Variants in CAMK2D observed in about 807,000 individuals in gnomAD.
The protein encoded by CAMK2D is calcium/calmodulin-dependent protein kinase type II subunit delta.
In CAMK2D, 37 loss-of-function variants were observed where a neutral mutation model predicts 84.0. That is an observed-to-expected ratio of 0.44 (90% CI 0.34 to 0.58). The LOEUF is 0.58. Among genes scored for constraint, CAMK2D ranks in the 20% least tolerant of loss-of-function variants. The probability of loss-of-function intolerance (pLI) is 0.02; values close to 1 mark genes in which losing one functional copy is unlikely to be tolerated. For synonymous variants in CAMK2D, 202 were observed against 212.5 expected, an observed-to-expected ratio of 0.95 and a Z score of 0.43; for missense variants, 448 against 652.5, an observed-to-expected ratio of 0.69 and a Z score of 3.41.
intron 3 of CAMK2D, among the ~76,000 whole-genome samples, chr4:113,659,765 G>A (rs2099220508): frequency 6.6e-6 from 1 of 152,174 alleles, no homozygotes; most frequent in Non-Finnish European, 1.5e-5. Context: ...AACAAGAAAT[G>A]CCATAAATTT....
chr4:113,528,163 G>GT (rs1234121099), intron 8 of CAMK2D, among the ~76,000 whole-genome samples: 1 of 152,064 alleles, frequency 6.6e-6, no homozygotes, highest in African/African-American at 2.4e-5. Flanking sequence ...AATACACTTT[G>GT]TTTTTTAAGC....
intron 16 of CAMK2D, among the ~76,000 whole-genome samples, chr4:113,482,787 G>A (rs2097717284): frequency 6.6e-6 from 1 of 152,160 alleles, no homozygotes; most frequent in Non-Finnish European, 1.5e-5. Context: ...TTTGCATATT[G>A]CAAAGAATTT....
chr4:113,716,649 CAAA>C (rs397750449), intron 2 of CAMK2D, among the ~76,000 whole-genome samples: 2 of 76,176 alleles, frequency 2.6e-5, no homozygotes, highest in African/African-American at 4.9e-5. Flanking sequence ...AGACTCCATC[CAAA>C]AAAAAAAAAA....
chr4:113,578,721 T>C (rs559027225), intron 4 of CAMK2D, among the ~76,000 whole-genome samples: 5 of 152,166 alleles, frequency 3.3e-5, no homozygotes, highest in Admixed American at 6.5e-5. Context: ...GCCAAAGCTC[T>C]TTCTTCTCAT....
At chr4:113,516,355 A>G (rs1166877675) in intron 9 of CAMK2D, among the ~76,000 whole-genome samples, 1 of 152,170 alleles carries the variant, frequency 6.6e-6, no homozygotes, top group African/African-American at 2.4e-5. Flanking sequence ...CTGATAGCAA[A>G]TGAGCGGTAG....
At chr4:113,685,727 T>G (rs2099357835) in intron 2 of CAMK2D, among the ~76,000 whole-genome samples, 1 of 152,080 alleles carries the variant, frequency 6.6e-6, no homozygotes, top group South Asian at 2.1e-4. Flanking sequence ...TTTTGAGAGA[T>G]AGGGCTGATA....
At chr4:113,740,717 C>G (rs1434058354) in intron 2 of CAMK2D, among the ~76,000 whole-genome samples, 1 of 152,054 alleles carries the variant, frequency 6.6e-6, no homozygotes, top group Non-Finnish European at 1.5e-5. Flanking sequence ...TTCCCTCACA[C>G]CTCACAACCT....
chr4:113,548,171 T>G (rs1241488670), intron 5 of CAMK2D, among the ~76,000 whole-genome samples: 2 of 152,236 alleles, frequency 1.3e-5, no homozygotes, highest in African/African-American at 4.8e-5. Flanking sequence ...TAATGAATTT[T>G]TGATAAATCA....
chr4:113,510,106 C>A (rs1053336264), intron 12 of CAMK2D, among the ~76,000 whole-genome samples: 1 of 152,268 alleles, frequency 6.6e-6, no homozygotes, highest in East Asian at 1.9e-4. Context: ...GCCATTTAAG[C>A]CCTGCTTTCC....
intron 2 of CAMK2D, among the ~76,000 whole-genome samples, chr4:113,683,093 GAATAAAAATCT>G (rs1251368945): frequency 7.2e-5 from 11 of 152,124 alleles, no homozygotes; most frequent in Non-Finnish European, 1.5e-4. Flanking sequence ...AGTGAAGAGT[GAATAAAAATCT>G]AAGGAGCAAA....
chr4:113,580,894 A>G (rs2098805086), intron 4 of CAMK2D, among the ~76,000 whole-genome samples: 2 of 137,058 alleles, frequency 1.5e-5, no homozygotes, highest in East Asian at 4.8e-4. Context: ...TAAATATATC[A>G]GTCATCAGAA....
At chr4:113,625,292 C>T (rs908515205) in intron 3 of CAMK2D, among the ~76,000 whole-genome samples, 1 of 152,066 alleles carries the variant, frequency 6.6e-6, no homozygotes, top group Admixed American at 6.6e-5. Flanking sequence ...AATAACGTGC[C>T]TGAGCTCACA....
At chr4:113,586,773 C>G (rs1859148) in intron 4 of CAMK2D, among the ~76,000 whole-genome samples, 110,237 of 152,016 alleles carry the variant, frequency 0.73, 40,258 homozygotes, top group Middle Eastern at 0.78. Flanking sequence ...CAGAAGCTTA[C>G]AGAAAAGCCT....
At chr4:113,754,817 T>C (rs573877055) in intron 2 of CAMK2D, 1 of 984,072 alleles carries the variant, frequency 1.0e-6, no homozygotes, top group East Asian at 1.1e-4. Flanking sequence ...AAGTAAAGGA[T>C]ACAAAATAAT....
chr4:113,761,198 C>A lies in CAMK2D; in HGVS notation c.-130G>T. ...TCTTACTTTCCTGGTCCGAAAGTAG[C>A]TCGCCCGCGAGGGAGTGTGCGCAGG... On this transcript the variant is annotated 5_prime_UTR_variant, in exon 1 of 21. Coordinates refer to ENST00000511664, the MANE Select transcript of CAMK2D (RefSeq NM_001321571.2). 1.3e-6 allele frequency: 2 copies of A among 1,559,628 alleles called. No individual in the cohort carries two copies. The highest frequency in any genetic ancestry group is 2.3e-5 in the South Asian group (2 of 87,248).
At chr4:113,583,821 A>G (rs2098822026) in intron 4 of CAMK2D, among the ~76,000 whole-genome samples, 1 of 152,170 alleles carries the variant, frequency 6.6e-6, no homozygotes, top group Non-Finnish European at 1.5e-5. Flanking sequence ...AGCATCTTTC[A>G]TGTAGATTAA....
intron 2 of CAMK2D, among the ~76,000 whole-genome samples, chr4:113,699,918 T>C (rs1212069986): frequency 6.6e-6 from 1 of 152,204 alleles, no homozygotes; most frequent in Non-Finnish European, 1.5e-5. Flanking sequence ...TTATGAGTCA[T>C]GTTAAGAAGA....
chr4:113,543,768 G>GTTTGTTTGTTTATTTA lies in CAMK2D; in HGVS notation c.414+3875_414+3876insTAAATAAACAAACAAA, dbSNP rs779428790. ...CATAAAGAATCTATCTATCTATCAAGTTTATTTATTTATTTATTTATTTAT... is the reference window on the plus strand; with the variant it reads ...CATAAAGAATCTATCTATCTATCAAGTTTGTTTGTTTATTTATTTATTTATTTATTTATTTATTTAT... On this transcript the variant is annotated intron_variant, in intron 6 of 20. Coordinates refer to ENST00000511664, the MANE Select transcript of CAMK2D (RefSeq NM_001321571.2). 2.7e-5 allele frequency among the ~76,000 whole-genome samples: 4 copies of GTTTGTTTGTTTATTTA among 146,602 alleles called. No homozygotes were observed. The Admixed American group carries it at 2.7e-4, about 10-fold the overall frequency.
At chr4:113,519,509 G>T (rs2098329633) in intron 8 of CAMK2D, among the ~76,000 whole-genome samples, 1 of 150,848 alleles carries the variant, frequency 6.6e-6, no homozygotes, top group South Asian at 2.1e-4. Context: ...ACACTTTTAG[G>T]CCCAAAGACT....
Sources: allele counts gnomAD v4.1 joint callset (sites outside exome capture counted in the v4.1 genomes callset), GRCh38; gene constraint gnomAD v4.1.1; transcripts MANE v1.5; gene names NCBI Gene and HGNC (gene_info 2026-07-23, HGNC 2026-07-21).